The following MACROH2A2 variants were observed in gnomAD, a reference collection of about 807,000 sequenced individuals.
MACROH2A2 encodes the protein macroH2A.2 histone.
MACROH2A2 carries 6 observed loss-of-function variants against 37.6 expected under a neutral mutation model. The observed-to-expected ratio is 0.16, with a 90% confidence interval of 0.09 to 0.32. MACROH2A2 has a LOEUF of 0.32. Ranked by LOEUF, MACROH2A2 falls within the 10% of genes least tolerant of loss-of-function variation. The probability of loss-of-function intolerance (pLI) is 1.00; values close to 1 mark genes in which losing one functional copy is unlikely to be tolerated. For synonymous variants in MACROH2A2, 192 were observed against 202.7 expected (o/e 0.95, Z 0.45); for missense variants, 290 against 485.9 (o/e 0.60, Z 3.79).
intron 7 of MACROH2A2, among the ~76,000 whole-genome samples, chr10:70,106,013 A>G (rs2072335608): frequency 1.3e-5 from 2 of 152,162 alleles, no homozygotes; most frequent in African/African-American, 4.8e-5. Flanking sequence ...ACACGCAGGA[A>G]GAAGAGAGGC....
At chr10:70,063,942 T>A (rs2072063967) in intron 1 of MACROH2A2, among the ~76,000 whole-genome samples, 1 of 152,216 alleles carries the variant, frequency 6.6e-6, no homozygotes. Flanking sequence ...AAGTGGGGAC[T>A]CATTGAAGGC....
At chr10:70,060,998 G>C (rs1410740695) in intron 1 of MACROH2A2, among the ~76,000 whole-genome samples, 1 of 150,990 alleles carries the variant, frequency 6.6e-6, no homozygotes. Flanking sequence ...AAAGAAAAAA[G>C]AAATATTGGT....
chr10:70,080,279 CAA>C (rs35056111), intron 2 of MACROH2A2, among the ~76,000 whole-genome samples: 103 of 112,562 alleles, frequency 9.2e-4, no homozygotes, highest in African/African-American at 3.0e-3. Flanking sequence ...AACTCCATCT[CAA>C]AAAAAAAAAA....
intron 1 of MACROH2A2, among the ~76,000 whole-genome samples, chr10:70,071,143 T>A (rs2072108237): frequency 6.6e-6 from 1 of 152,118 alleles, no homozygotes; most frequent in South Asian, 2.1e-4. Flanking sequence ...TTGTACTTCA[T>A]GCAGCATTCT....
At chr10:70,097,964 G>A (rs1025098279) in intron 6 of MACROH2A2, among the ~76,000 whole-genome samples, 7 of 152,070 alleles carry the variant, frequency 4.6e-5, no homozygotes, top group African/African-American at 1.4e-4. Flanking sequence ...AGGGGGGCCC[G>A]AGTACGGTGG....
chr10:70,081,977 T>C (rs2072179767), intron 2 of MACROH2A2, among the ~76,000 whole-genome samples: 1 of 152,164 alleles, frequency 6.6e-6, no homozygotes, highest in Non-Finnish European at 1.5e-5. Flanking sequence ...ACCTACCATG[T>C]ACTCACAAAG....
intron 1 of MACROH2A2, among the ~76,000 whole-genome samples, chr10:70,070,560 C>T (rs542656712): frequency 4.6e-5 from 7 of 152,196 alleles, no homozygotes; most frequent in African/African-American, 1.2e-4. Flanking sequence ...GGTACAATCT[C>T]GGTTCACTGC....
chr10:70,108,923 C>T (rs1001373553), intron 7 of MACROH2A2, 110 bp from the exon 8 acceptor site: 25 of 940,758 alleles, frequency 2.7e-5, no homozygotes, highest in South Asian at 2.1e-4. Flanking sequence ...GCCCAGCCAA[C>T]GTCTCTATCA....
At chr10:70,062,598 G>A (rs897091679) in intron 1 of MACROH2A2, among the ~76,000 whole-genome samples, 9 of 152,192 alleles carry the variant, frequency 5.9e-5, no homozygotes, top group African/African-American at 1.9e-4. Flanking sequence ...TCGAAAGAGT[G>A]CTTTAAAAAT....
At chr10:70,057,262 G>A (rs1443905622) in intron 1 of MACROH2A2, among the ~76,000 whole-genome samples, 2 of 151,038 alleles carry the variant, frequency 1.3e-5, no homozygotes, top group Non-Finnish European at 1.5e-5. Flanking sequence ...TAAGGGGGCT[G>A]GTTCTAGTTT....
intron 1 of MACROH2A2, among the ~76,000 whole-genome samples, chr10:70,059,273 A>G (rs1487034452): frequency 6.6e-6 from 1 of 152,184 alleles, no homozygotes; most frequent in Admixed American, 6.5e-5. Context: ...TGGAGGCCCA[A>G]GGCAGGAAAG....
rs1411065654 is a variant in MACROH2A2, at chr10:70,093,851, A to G, written c.588+6A>G. On this transcript the variant is annotated splice_donor_region_variant and intron_variant, in intron 5 of 8. Transcript: ENST00000373255. ...GCCTTGTTCTGGGACAGAAGGTAAC[A>G]AAGAGAATTGCCTTGTGCTATATTA... is the stretch of plus-strand genomic sequence containing the variant. 3.4e-6 allele frequency: 5 copies of G among 1,458,366 alleles called. No individual in the cohort carries two copies. The highest frequency in any genetic ancestry group is 1.9e-6 in the Non-Finnish European group (2 of 1,038,288). 90.3% of individuals were successfully genotyped at this position (1,458,366 alleles called of 1,614,324 possible).
At chr10:70,074,735 A>G (rs1410149182) in intron 1 of MACROH2A2, among the ~76,000 whole-genome samples, 1 of 152,140 alleles carries the variant, frequency 6.6e-6, no homozygotes, top group African/African-American at 2.4e-5. Flanking sequence ...TCTCTTGTCT[A>G]CTGCCATATA....
At chr10:70,071,078 AGT>A (rs148158268) in intron 1 of MACROH2A2, among the ~76,000 whole-genome samples, 12,010 of 146,414 alleles carry the variant, frequency 0.082, 1,006 homozygotes, top group African/African-American at 0.22. Flanking sequence ...CATGTGCATG[AGT>A]GTGTGTGTGT....
chr10:70,079,565 G>GCGCGCGCACGCACA lies in MACROH2A2; in HGVS notation c.172+3736_172+3737insGCGCGCACGCACAC, dbSNP rs1386558755. ...ACGTTGAGGGTTCGCGCGCGCGCGC[G>GCGCGCGCACGCACA]CACACACACACACACACACACACAC... is the stretch of plus-strand genomic sequence containing the variant. On this transcript the variant is annotated intron_variant, in intron 2 of 8. Transcript: ENST00000373255. Among the ~76,000 whole-genome samples the GCGCGCGCACGCACA allele has an allele frequency of 4.6e-3, 586 of 126,232 alleles. 6 individuals carry two copies. Among genetic ancestry groups the GCGCGCGCACGCACA allele is most frequent in the Non-Finnish European group, 8.1e-3 (499 of 61,268 alleles). 82.8% of individuals were successfully genotyped at this position (126,232 alleles called of 152,430 possible). A position where few individuals can be genotyped will look rare whatever the true frequency, so the allele number is the denominator to read the frequency against.
intron 1 of MACROH2A2, among the ~76,000 whole-genome samples, chr10:70,055,805 G>A (rs1412266243): frequency 6.6e-6 from 1 of 152,134 alleles, no homozygotes; most frequent in Non-Finnish European, 1.5e-5. Flanking sequence ...CAAAGAAGCA[G>A]GCATCCGTGA....
chr10:70,100,803 G>A (rs2072302618), intron 7 of MACROH2A2, among the ~76,000 whole-genome samples: 1 of 152,040 alleles, frequency 6.6e-6, no homozygotes, highest in Admixed American at 6.5e-5. Context: ...TTTTAGTAGA[G>A]ATGGGGTTTT....
rs1564538465 is a variant in MACROH2A2, at chr10:70,053,494, A to C, written c.-60+494A>C. ...CGGGGGCCTCTGAAGGTGCCCGGGCAGGGCGCCGGCGGCTCCAGGCTGACA... is the reference window on the plus strand; with the variant it reads ...CGGGGGCCTCTGAAGGTGCCCGGGCCGGGCGCCGGCGGCTCCAGGCTGACA... On this transcript the variant is annotated intron_variant, in intron 1 of 8. Transcript: ENST00000373255. The surrounding 1 kb of genome is among the most constrained non-coding windows in gnomAD (Gnocchi z 4.8). Among the ~76,000 whole-genome samples, 1 of 151,536 alleles carries C rather than the reference A, an allele frequency of 6.6e-6. No individual in the cohort carries two copies.
intron 7 of MACROH2A2, among the ~76,000 whole-genome samples, chr10:70,108,367 A>C (rs1469601563): frequency 6.6e-6 from 1 of 152,188 alleles, no homozygotes; most frequent in Non-Finnish European, 1.5e-5. Flanking sequence ...TTAAGAGTCT[A>C]AGATCCAGGT....
Sources: gnomAD v4.1 joint callset for allele counts (sites outside exome capture counted in the v4.1 genomes callset) on GRCh38, gnomAD v4.1.1 for gene constraint, Gnocchi (gnomAD v3.1) non-coding constraint, MANE v1.5 for transcripts, NCBI Gene and HGNC (gene_info 2026-07-23, HGNC 2026-07-21) for gene names.